RP1L1: variants seen among roughly 807,000 people sequenced by gnomAD.
The protein encoded by RP1L1 is retinitis pigmentosa 1-like 1 protein.
RP1L1 carries 27 observed loss-of-function variants against 15.7 expected under a neutral mutation model. That is an observed-to-expected ratio of 1.72 (90% CI 1.27 to 2.38). RP1L1 has a LOEUF of 2.38. Ranked by LOEUF, RP1L1 falls within the 30% of genes most tolerant of loss-of-function variation. The pLI, the probability that RP1L1 is intolerant of heterozygous loss-of-function variation, is 0.00. For synonymous variants in RP1L1, 1,813 were observed against 1,276.7 expected (o/e 1.42, Z -8.96); for missense variants, 4,798 against 3,075.9 (o/e 1.56, Z -13.24).
intron 1 of RP1L1, among the ~76,000 whole-genome samples, chr8:10,631,461 G>C (rs575264091): frequency 6.6e-6 from 1 of 152,044 alleles, no homozygotes; most frequent in African/African-American, 2.4e-5. Context: ...ACTATGGGTA[G>C]GGAGCACTTC....
intron 1 of RP1L1, among the ~76,000 whole-genome samples, chr8:10,628,610 C>T (rs1215546280): frequency 6.6e-6 from 1 of 152,060 alleles, no homozygotes; most frequent in African/African-American, 2.4e-5. Context: ...GCCATGGAGC[C>T]CCGGTGGTAT....
intron 3 of RP1L1, among the ~76,000 whole-genome samples, chr8:10,613,579 C>G (rs1247735710): frequency 9.1e-6 from 1 of 110,090 alleles, no homozygotes; most frequent in African/African-American, 3.4e-5. Context: ...GCCTGGACAA[C>G]TTAGTGAGAC....
rs1223270264 is a variant in RP1L1 at position 10,608,965 on chromosome 8, G to C, written c.5133C>G (p.Gly1711=). ...TGCTCGTGGGGTCCGTGTGGGTCTT[G>C]CCAGGGGCCACCTCTGCTGCCTCCC... is the stretch of plus-strand genomic sequence containing the variant. The part of the protein sequence containing the change: ...TDGEAAEVAP[G]KTHTDPTSTR... The change falls in exon 4 of 4, where the codon GGC becomes GGG. Residue 1711 remains glycine (G), a synonymous_variant. Coordinates refer to ENST00000382483, the MANE Select transcript of RP1L1 (RefSeq NM_178857.6). The C allele has an allele frequency of 1.2e-6, 2 of 1,613,642 alleles. No homozygotes were observed. Among genetic ancestry groups the C allele is most frequent in the Admixed American group, 3.3e-5 (2 of 60,010 alleles).
rs1797791071 is a variant in RP1L1 at position 10,609,677 on chromosome 8, T to G, written c.4421A>C (p.Glu1474Ala). 2 of 1,612,326 alleles carry G rather than the reference T, an allele frequency of 1.2e-6. No homozygotes were observed. The highest frequency in any genetic ancestry group is 1.1e-5 in the South Asian group (1 of 91,074). The change falls in exon 4 of 4, where the codon GAG (glutamate) becomes GCG (alanine). Residue 1474 changes from glutamate (E) to alanine (A), a missense_variant. Physicochemically the swap from Glu to Ala is moderately radical, Grantham distance 107. Coordinates refer to ENST00000382483, the MANE Select transcript of RP1L1 (RefSeq NM_178857.6). ...ASERQSGSQL[E>A]PGLEKPPGAT... ...TCCGGGCGGCTTTTCCAAACCAGGCTCAAGCTGGGAGCCACTCTGCCTCTC... is the reference window on the plus strand; with the variant it reads ...TCCGGGCGGCTTTTCCAAACCAGGCGCAAGCTGGGAGCCACTCTGCCTCTC...
chr8:10,639,204 C>T (rs889824368), intron 1 of RP1L1, among the ~76,000 whole-genome samples: 3 of 151,862 alleles, frequency 2.0e-5, no homozygotes, highest in East Asian at 1.9e-4. Context: ...GAGACCTTTG[C>T]TTGCCCTCAA....
At chr8:10,646,245 T>C (rs1220725248) in intron 1 of RP1L1, among the ~76,000 whole-genome samples, 1 of 152,210 alleles carries the variant, frequency 6.6e-6, no homozygotes, top group Non-Finnish European at 1.5e-5. Flanking sequence ...GAAGACGCTA[T>C]TCTATCTCCA....
Position 10,622,746 on chromosome 8 carries a change from C to A in RP1L1, c.456G>T (p.Arg152=). ...CCATGTTCTTAATCAGCAGTATCCT[C>A]CGGGGGGTTTTAAGACTCTTCCGGG... ...SSSRKSLKTP[R]RILLIKNMDP... is the part of the protein sequence containing the mutation. Residue 152 remains arginine (R), a synonymous_variant, in exon 2 of 4, where the codon CGG becomes CGT. Transcript: ENST00000382483. 1 of 1,614,116 alleles carries A rather than the reference C, an allele frequency of 6.2e-7. No homozygotes were observed. The highest frequency in any genetic ancestry group is 1.1e-5 in the South Asian group (1 of 91,068).
In RP1L1 at chr8:10,607,558, T is replaced by C. The variant is rs1356387188; in HGVS notation, c.6540A>G (p.Val2180=). Residue 2180 remains valine (V), a synonymous_variant, in exon 4 of 4, where the codon GTA becomes GTG. Transcript: ENST00000382483. ...CCTCCCCTTCTGCCTCTGGGGCCTC[T>C]ACACCTTCTAACTCTGGTTGGGCCT... ...EEEAQPELEG[V]EAPEAEGEAQ... 1 of 1,566,184 alleles carries C rather than the reference T, an allele frequency of 6.4e-7. No individual in the cohort carries two copies.
chr8:10,613,263 C>T lies in RP1L1; in HGVS notation c.835G>A (p.Gly279Ser), dbSNP rs1310780789. Reference sequence around the variant, plus strand: ...GGGCCCACCGGGGGGTTGCTAGGACCAGGCCTTTCTGGCAGCCGTGGCGTG... The same window carrying T: ...GGGCCCACCGGGGGGTTGCTAGGACTAGGCCTTTCTGGCAGCCGTGGCGTG... ...GSTPRLPERP[G>S]PSNPPVGPAP... is the part of the protein sequence containing the mutation. The change falls in exon 4 of 4, where the codon GGT (glycine) becomes AGT (serine). Residue 279 changes from glycine (G) to serine (S), a missense_variant. Physicochemically the swap from Gly to Ser is moderately conservative, Grantham distance 56. Transcript: ENST00000382483. 2 of 1,610,322 alleles carry T rather than the reference C, an allele frequency of 1.2e-6. No homozygotes were observed. Among genetic ancestry groups the T allele is most frequent in the East Asian group, 2.2e-5 (1 of 44,882 alleles).
At chr8:10,645,193 G>T (rs1456402655) in intron 1 of RP1L1, among the ~76,000 whole-genome samples, 8 of 152,226 alleles carry the variant, frequency 5.3e-5, no homozygotes, top group Non-Finnish European at 1.2e-4. Flanking sequence ...TGGGCGTGGT[G>T]GTGCACACCT....
At chr8:10,619,429 T>A (rs1279759433) in intron 2 of RP1L1, among the ~76,000 whole-genome samples, 1 of 152,140 alleles carries the variant, frequency 6.6e-6, no homozygotes, top group Non-Finnish European at 1.5e-5. Flanking sequence ...CCATTTGGGA[T>A]CCCAGCAATG....
chr8:10,651,128 C>T (rs1798553939), intron 1 of RP1L1, among the ~76,000 whole-genome samples: 1 of 152,216 alleles, frequency 6.6e-6, no homozygotes, highest in South Asian at 2.1e-4. Flanking sequence ...ACTGACTCTG[C>T]CAAGCTCCAC....
chr8:10,623,453 G>A (rs4532563), intron 1 of RP1L1, among the ~76,000 whole-genome samples: 131,831 of 151,928 alleles, frequency 0.87, 57,550 homozygotes, highest in Non-Finnish European at 0.9. Context: ...GGAGTTTGAG[G>A]CTGTCCCCAG....
rs370493745 is a variant in RP1L1, at chr8:10,611,167, G to T, written c.2931C>A (p.Asp977Glu). ...CACCCCCAGCTGCACCTGTGGTCTCGTCCGCCAACTCATATGTCATGAGTA... is the reference window on the plus strand; with the variant it reads ...CACCCCCAGCTGCACCTGTGGTCTCTTCCGCCAACTCATATGTCATGAGTA... ...EPILMTYELA[D>E]ETTGAAGGGL... Residue 977 changes from aspartate to glutamate, a missense_variant, in exon 4 of 4, where the codon GAC becomes GAA. Coordinates refer to ENST00000382483, the MANE Select transcript of RP1L1 (RefSeq NM_178857.6). 5 of 1,612,548 alleles carry T rather than the reference G, an allele frequency of 3.1e-6. No individual in the cohort carries two copies. The highest frequency in any genetic ancestry group is 4.2e-6 in the Non-Finnish European group (5 of 1,179,678).
In RP1L1 at chr8:10,612,591, G is replaced by A. The variant is rs552523617; in HGVS notation, c.1507C>T (p.Pro503Ser). ...RKAGGSLGEDPGLCIDGAGLG... is the reference protein window; with the variant it reads ...RKAGGSLGEDSGLCIDGAGLG... ...CCTGCTCCATCTATGCATAGGCCGG[G>A]GTCCTCACCCAGGCTCCCTCCAGCT... The change falls in exon 4 of 4, where the codon CCC (proline) becomes TCC (serine). Residue 503 changes from proline (P) to serine (S), a missense_variant. Coordinates refer to ENST00000382483, the MANE Select transcript of RP1L1 (RefSeq NM_178857.6). The A allele has an allele frequency of 3.1e-6, 5 of 1,604,222 alleles. No homozygotes were observed. The highest frequency in any genetic ancestry group is 1.3e-5 in the African/African-American group (1 of 75,046).
At chr8:10,652,440 G>A (rs1011884103) in intron 1 of RP1L1, among the ~76,000 whole-genome samples, 4 of 151,882 alleles carry the variant, frequency 2.6e-5, no homozygotes, top group Admixed American at 6.6e-5. Context: ...CTCCTGCTAT[G>A]CACCAGACAC....
intron 3 of RP1L1, 142 bp from the exon 4 acceptor site, chr8:10,613,488 G>T: frequency 7.9e-7 from 1 of 1,267,400 alleles, no homozygotes; most frequent in Non-Finnish European, 1.1e-6. Flanking sequence ...TGACAGCTGT[G>T]CGCGGTGGCT....
chr8:10,609,814 C>A lies in RP1L1; in HGVS notation c.4284G>T (p.Gln1428His). The A allele has an allele frequency of 6.2e-7, 1 of 1,614,110 alleles. No individual in the cohort carries two copies. The highest frequency in any genetic ancestry group is 8.5e-7 in the Non-Finnish European group (1 of 1,180,016). Residue 1428 changes from glutamine (Q) to histidine (H), a missense_variant, in exon 4 of 4, where the codon CAG (glutamine) becomes CAT (histidine). By Grantham distance (24) the Gln-to-His change is conservative (BLOSUM62 0). Coordinates refer to ENST00000382483, the MANE Select transcript of RP1L1 (RefSeq NM_178857.6). The stretch of plus-strand genomic sequence containing the variant: ...CAGAGGCTCTTCCTGCTTCCTCCTC[C>A]TGGACTGGGTCATCTTCCTGGGAGC... ...GKGSQEDDPV[Q>H]EEEAGRASAS...
In RP1L1 at chr8:10,606,880, C is replaced by T; in HGVS notation, c.*15G>A. 3 of 1,614,104 alleles carry T rather than the reference C, an allele frequency of 1.9e-6. No individual in the cohort carries two copies. The highest frequency in any genetic ancestry group is 2.5e-6 in the Non-Finnish European group (3 of 1,180,028). ...GAGCTCCCAAGCTCGTGATTGTTTTCTAGCTTGATCTTGTCTAGAAATCTA... is the reference window on the plus strand; with the variant it reads ...GAGCTCCCAAGCTCGTGATTGTTTTTTAGCTTGATCTTGTCTAGAAATCTA... On this transcript the variant is annotated 3_prime_UTR_variant, in exon 4 of 4. Coordinates refer to ENST00000382483, the MANE Select transcript of RP1L1 (RefSeq NM_178857.6).
Sources: allele counts gnomAD v4.1 joint callset (sites outside exome capture counted in the v4.1 genomes callset), GRCh38; gene constraint gnomAD v4.1.1; transcripts MANE v1.5; gene names NCBI Gene and HGNC (gene_info 2026-07-23, HGNC 2026-07-21).